The following ANTXR2 variants were observed in gnomAD, a reference collection of about 807,000 sequenced individuals.
ANTXR2 encodes the protein anthrax toxin receptor 2.
In ANTXR2, 44 loss-of-function variants were observed where a neutral mutation model predicts 73.7. That is an observed-to-expected ratio of 0.60 (90% CI 0.47 to 0.77). The LOEUF is 0.77. Among genes scored for constraint, ANTXR2 ranks in the 30% least tolerant of loss-of-function variants. The pLI, the probability that ANTXR2 is intolerant of heterozygous loss-of-function variation, is 0.00. For synonymous variants in ANTXR2, 217 were observed against 205.9 expected (o/e 1.05, Z -0.46); for missense variants, 604 against 592.5 (o/e 1.02, Z -0.20).
chr4:80,043,575 G>T (rs1030519585), intron 7 of ANTXR2, among the ~76,000 whole-genome samples: 1 of 151,978 alleles, frequency 6.6e-6, no homozygotes, highest in African/African-American at 2.4e-5. Context: ...TATTTATACA[G>T]TTCAGATAAG....
intron 16 of ANTXR2, among the ~76,000 whole-genome samples, chr4:79,937,983 G>C (rs1185784697): frequency 9.1e-6 from 1 of 110,366 alleles, no homozygotes; most frequent in African/African-American, 3.6e-5. Flanking sequence ...CTGGAAAATC[G>C]GGTCACTCCC....
At chr4:79,980,636 A>T (rs761316491) in intron 14 of ANTXR2, among the ~76,000 whole-genome samples, 30 of 131,874 alleles carry the variant, frequency 2.3e-4, no homozygotes, top group Non-Finnish European at 4.6e-4. Flanking sequence ...AAAAGAAACA[A>T]AAACAGTTTC....
At chr4:79,998,086 G>A (rs1178817785) in intron 12 of ANTXR2, among the ~76,000 whole-genome samples, 1 of 151,938 alleles carries the variant, frequency 6.6e-6, no homozygotes, top group African/African-American at 2.4e-5. Context: ...CAAGTGCAAT[G>A]TACAGCATTA....
At chr4:79,954,608 A>AT (rs1481991346) in intron 16 of ANTXR2, among the ~76,000 whole-genome samples, 6 of 152,158 alleles carry the variant, frequency 3.9e-5, no homozygotes, top group African/African-American at 1.4e-4. Flanking sequence ...AAGACCCCAG[A>AT]TTTTAAAAAG....
In ANTXR2 at chr4:80,031,650, G is replaced by T; in HGVS notation, c.839C>A (p.Pro280His). ...TCCAGCTTTATTCAGGATAGGTGCA[G>T]GACAAAGCATAGAATTAAGCTGTAC... ...VSVQLNSMLC[P>H]APILNKAGET... Residue 280 changes from proline (P) to histidine (H), a missense_variant, in exon 10 of 17, where the codon CCT (proline) becomes CAT (histidine). Coordinates refer to ENST00000403729, the MANE Select transcript of ANTXR2 (RefSeq NM_058172.6). 6.5e-7 allele frequency: 1 copy of T among 1,528,922 alleles called. No individual in the cohort carries two copies. Among genetic ancestry groups the T allele is most frequent in the Non-Finnish European group, 8.7e-7 (1 of 1,145,878 alleles). The allele number at this position is 1,528,922 out of a possible 1,614,324, so 94.7% of individuals were successfully genotyped here.
chr4:79,911,313 G>A (rs1332013220), intron 16 of ANTXR2, among the ~76,000 whole-genome samples: 1 of 152,106 alleles, frequency 6.6e-6, no homozygotes, highest in Non-Finnish European at 1.5e-5. Context: ...TCAAAGAACT[G>A]TACAGAATGG....
chr4:79,985,014 G>T (rs1195914449), intron 12 of ANTXR2, among the ~76,000 whole-genome samples, 151 bp from the exon 13 acceptor site: 1 of 152,070 alleles, frequency 6.6e-6, no homozygotes, highest in Non-Finnish European at 1.5e-5. Flanking sequence ...CCCTCTCTTT[G>T]AATCTTGGAT....
intron 16 of ANTXR2, among the ~76,000 whole-genome samples, chr4:79,931,763 T>C (rs1416110822): frequency 6.6e-6 from 1 of 152,208 alleles, no homozygotes; most frequent in Non-Finnish European, 1.5e-5. Context: ...ATTTAATTTA[T>C]TTGCCACAAA....
Position 79,924,445 on chromosome 4 carries a change from C to A in ANTXR2, c.1429-16978G>T, listed in dbSNP as rs183067845. On this transcript the variant is annotated intron_variant, in intron 16 of 16. Coordinates refer to ENST00000403729, the MANE Select transcript of ANTXR2 (RefSeq NM_058172.6). ...GTTTGAGGCTGCAGTGAGCTATGAT[C>A]ACACCACTGCACTACAGCCTGGGTG... 2.0e-5 allele frequency among the ~76,000 whole-genome samples: 3 copies of A among 152,118 alleles called. No individual in the cohort carries two copies. The East Asian group carries it at 5.8e-4, about 29-fold the overall frequency.
In ANTXR2 at chr4:80,072,318, C is replaced by T. The variant is rs1419874719; in HGVS notation, c.152+91G>A. ...CCCTCCGCGGGTTTCCAACACCACT[C>T]CCCGGGGTGCGCACACGCATCTCAG... On this transcript the variant is annotated intron_variant, in intron 1 of 16. Coordinates refer to ENST00000403729, the MANE Select transcript of ANTXR2 (RefSeq NM_058172.6). 2.9e-6 allele frequency: 4 copies of T among 1,396,552 alleles called. 1 individual carries two copies. The highest frequency in any genetic ancestry group is 3.8e-6 in the Non-Finnish European group (4 of 1,056,390). 86.5% of individuals were successfully genotyped at this position (1,396,552 alleles called of 1,614,324 possible).
chr4:80,043,555 T>G (rs1301432912), intron 7 of ANTXR2, among the ~76,000 whole-genome samples: 2 of 152,030 alleles, frequency 1.3e-5, no homozygotes, highest in East Asian at 3.9e-4. Flanking sequence ...CGTATAAAAT[T>G]TTGATGCATT....
chr4:79,977,632 C>T lies in ANTXR2; in HGVS notation c.1417G>A (p.Glu473Lys). Residue 473 changes from glutamate (E) to lysine (K), a missense_variant, in exon 16 of 17, where the codon GAA becomes AAA. Coordinates refer to ENST00000403729, the MANE Select transcript of ANTXR2 (RefSeq NM_058172.6). ...TCCCATATACAAACCTCATCTCCTTCCTGAGGTCGCATCAAAGAAACCCGG... is the reference window on the plus strand; with the variant it reads ...TCCCATATACAAACCTCATCTCCTTTCTGAGGTCGCATCAAAGAAACCCGG... ...YDRVSLMRPQEGDEGRCINFS... is the reference protein window; with the variant it reads ...YDRVSLMRPQKGDEGRCINFS... 1 of 1,576,870 alleles carries T rather than the reference C, an allele frequency of 6.3e-7. No homozygotes were observed. The highest frequency in any genetic ancestry group is 8.6e-7 in the Non-Finnish European group (1 of 1,160,136).
intron 16 of ANTXR2, among the ~76,000 whole-genome samples, chr4:79,949,562 A>G (rs1301341649): frequency 6.6e-6 from 1 of 152,176 alleles, no homozygotes; most frequent in Non-Finnish European, 1.5e-5. Context: ...CAGTGGCCCA[A>G]GAATTTATTT....
chr4:80,019,080 A>C, intron 10 of ANTXR2, 104 bp from the exon 11 acceptor site: 1 of 758,546 alleles, frequency 1.3e-6, no homozygotes, highest in South Asian at 2.4e-5. Context: ...AACATACTTA[A>C]AGAGTAAGGG....
chr4:80,072,133 C>T (rs937913711), intron 1 of ANTXR2, among the ~76,000 whole-genome samples: 1 of 152,160 alleles, frequency 6.6e-6, no homozygotes, highest in African/African-American at 2.4e-5. Context: ...GGCCACACTC[C>T]CATTTCCCAA....
intron 16 of ANTXR2, among the ~76,000 whole-genome samples, chr4:79,958,664 C>T (rs1729028100): frequency 6.6e-6 from 1 of 152,100 alleles, no homozygotes; most frequent in South Asian, 2.1e-4. Context: ...AAATTTACAA[C>T]CAACAGCTCG....
At chr4:80,009,372 T>A (rs527416807) in intron 11 of ANTXR2, among the ~76,000 whole-genome samples, 1 of 152,216 alleles carries the variant, frequency 6.6e-6, no homozygotes, top group Non-Finnish European at 1.5e-5. Context: ...AATGCCCCTT[T>A]GATTAAACAA....
At chr4:79,933,963 C>T (rs1028527685) in intron 16 of ANTXR2, among the ~76,000 whole-genome samples, 2 of 151,966 alleles carry the variant, frequency 1.3e-5, no homozygotes, top group African/African-American at 4.8e-5. Context: ...TGGTCTCGAT[C>T]TCCTGACCTC....
At chr4:79,958,870 C>T (rs890990321) in intron 16 of ANTXR2, among the ~76,000 whole-genome samples, 1 of 152,076 alleles carries the variant, frequency 6.6e-6, no homozygotes, top group African/African-American at 2.4e-5. Context: ...TAATGAGGCA[C>T]TCAGAGCTAA....
Sources: gnomAD v4.1 joint callset for allele counts (sites outside exome capture counted in the v4.1 genomes callset) on GRCh38, gnomAD v4.1.1 for gene constraint, MANE v1.5 for transcripts, NCBI Gene and HGNC (gene_info 2026-07-23, HGNC 2026-07-21) for gene names.